The following CAMTA1 variants were observed in gnomAD, a reference collection of about 807,000 sequenced individuals.
CAMTA1 encodes calmodulin binding transcription activator 1, also known as calmodulin-binding transcription activator 1.
Under a neutral mutation model 170.9 loss-of-function variants are expected in CAMTA1, and 27 were observed. That is an observed-to-expected ratio of 0.16 (90% CI 0.12 to 0.22). The LOEUF (loss-of-function observed/expected upper bound fraction) is 0.22, where lower values mean the gene tolerates loss of function less well. CAMTA1 is among the 10% of genes least tolerant of loss of function. CAMTA1 has a pLI of 1.00. For synonymous variants in CAMTA1, 833 were observed against 891.5 expected, an observed-to-expected ratio of 0.93 and a Z score of 1.17; for missense variants, 1,619 against 2,217.2, an observed-to-expected ratio of 0.73 and a Z score of 5.42.
At chr1:7,329,117 G>A (rs1017250090) in intron 5 of CAMTA1, among the ~76,000 whole-genome samples, 1 of 151,824 alleles carries the variant, frequency 6.6e-6, no homozygotes, top group Non-Finnish European at 1.5e-5. Flanking sequence ...AAAATCCAAA[G>A]AGTGTGATTA....
At chr1:6,955,479 C>T (rs1195017589) in intron 3 of CAMTA1, among the ~76,000 whole-genome samples, 1 of 152,194 alleles carries the variant, frequency 6.6e-6, no homozygotes, top group East Asian at 1.9e-4. Flanking sequence ...TGACTCAGAT[C>T]TGGGTGGAGT....
chr1:7,636,651 G>A (rs2095714446), intron 6 of CAMTA1, among the ~76,000 whole-genome samples: 1 of 151,968 alleles, frequency 6.6e-6, no homozygotes, highest in Admixed American at 6.5e-5. Flanking sequence ...AGAGGTTGCA[G>A]TGAGCCGAGA....
In CAMTA1 at chr1:6,970,688, A is replaced by G. The variant is rs1271220357; in HGVS notation, c.235-120616A>G. Reference sequence around the variant, plus strand: ...CATATCAGAAGCACAGGGGGCTACTAGAGCACCTGTTCAGGACGTATCATC... The same window carrying G: ...CATATCAGAAGCACAGGGGGCTACTGGAGCACCTGTTCAGGACGTATCATC... On this transcript the variant is annotated intron_variant, in intron 3 of 22. Transcript: ENST00000303635. The surrounding 1 kb of genome is among the most constrained non-coding windows in gnomAD (Gnocchi z 4.4). Among the ~76,000 whole-genome samples the G allele has an allele frequency of 6.6e-6, 1 of 152,220 alleles. No individual in the cohort carries two copies. The highest frequency in any genetic ancestry group is 2.4e-5 in the African/African-American group (1 of 41,464).
intron 3 of CAMTA1, among the ~76,000 whole-genome samples, chr1:6,975,181 TC>T (rs1040584244): frequency 2.6e-5 from 4 of 152,036 alleles, no homozygotes; most frequent in African/African-American, 9.7e-5. Context: ...TTCCACACTG[TC>T]TCCCCCCACC....
chr1:7,525,513 G>T (rs752488988), intron 6 of CAMTA1, among the ~76,000 whole-genome samples: 1 of 152,012 alleles, frequency 6.6e-6, no homozygotes, highest in Non-Finnish European at 1.5e-5. Flanking sequence ...ATTATTATCA[G>T]TGTGGCCTCA....
intron 5 of CAMTA1, among the ~76,000 whole-genome samples, chr1:7,451,520 G>C (rs2092824124): frequency 6.6e-6 from 1 of 152,192 alleles, no homozygotes; most frequent in Admixed American, 6.5e-5. Flanking sequence ...TTTCCACCTT[G>C]AGTCCTTAGC....
chr1:7,294,797 C>A (rs1204098588), intron 5 of CAMTA1, among the ~76,000 whole-genome samples: 1 of 152,192 alleles, frequency 6.6e-6, no homozygotes, highest in Non-Finnish European at 1.5e-5. Context: ...CCAGCCCAGA[C>A]CAGGGTGAAG....
Position 7,333,293 on chromosome 1 carries a change from T to C in CAMTA1, c.438+83667T>C, listed in dbSNP as rs921678293. ...GGTTGGGCTCTGCAAGCTTTGGCAATTGACATGAGTTGAACCTAGTTGTCA... is the reference window on the plus strand; with the variant it reads ...GGTTGGGCTCTGCAAGCTTTGGCAACTGACATGAGTTGAACCTAGTTGTCA... On this transcript the variant is annotated intron_variant, in intron 5 of 22. Transcript: ENST00000303635. This position sits in a 1 kb window ranked among gnomAD's most constrained non-coding sequence, Gnocchi z 4.4. 3.3e-5 allele frequency among the ~76,000 whole-genome samples: 5 copies of C among 152,146 alleles called. No individual in the cohort carries two copies. The highest frequency in any genetic ancestry group is 9.7e-5 in the African/African-American group (4 of 41,436).
chr1:7,581,030 A>G (rs2095256457), intron 6 of CAMTA1, among the ~76,000 whole-genome samples: 1 of 152,268 alleles, frequency 6.6e-6, no homozygotes, highest in African/African-American at 2.4e-5. Context: ...GTGGTTTTTG[A>G]TAACTCGGTG....
chr1:6,788,102 G>A (rs1194106417), intron 1 of CAMTA1, among the ~76,000 whole-genome samples: 1 of 152,128 alleles, frequency 6.6e-6, no homozygotes, highest in Admixed American at 6.5e-5. Context: ...TTTTCTCTTG[G>A]ACAGGGGAAT....
intron 11 of CAMTA1, among the ~76,000 whole-genome samples, chr1:7,691,580 C>T (rs1383487047): frequency 1.3e-5 from 2 of 152,084 alleles, no homozygotes; most frequent in Non-Finnish European, 2.9e-5. Flanking sequence ...GAGATGGCAT[C>T]AGGAGGTCTT....
intron 5 of CAMTA1, among the ~76,000 whole-genome samples, chr1:7,284,020 C>G (rs905182170): frequency 3.3e-5 from 5 of 152,282 alleles, no homozygotes; most frequent in African/African-American, 1.2e-4. Context: ...GTGGGGCTTG[C>G]CCCTGTGCTC....
chr1:7,604,423 A>T (rs2095470218), intron 6 of CAMTA1, among the ~76,000 whole-genome samples: 1 of 151,928 alleles, frequency 6.6e-6, no homozygotes, highest in African/African-American at 2.4e-5. Context: ...GCTTCATTTC[A>T]TTCATTTGAT....
chr1:6,789,950 C>T lies in CAMTA1; in HGVS notation c.45+4375C>T, dbSNP rs529197855. On this transcript the variant is annotated intron_variant, in intron 1 of 22. Transcript: ENST00000303635. ...TCAGCCTCCCAAGTAGCTGGGATTACAGGCGTGCACCACCATGTCCGGCTA... is the reference window on the plus strand; with the variant it reads ...TCAGCCTCCCAAGTAGCTGGGATTATAGGCGTGCACCACCATGTCCGGCTA... Among the ~76,000 whole-genome samples, 12 of 151,790 alleles carry T rather than the reference C, an allele frequency of 7.9e-5. No individual in the cohort carries two copies. In the South Asian group the frequency reaches 1.9e-3, roughly 24 times the overall value.
intron 6 of CAMTA1, among the ~76,000 whole-genome samples, chr1:7,587,574 TCC>T (rs199563709): frequency 7.9e-5 from 12 of 152,114 alleles, no homozygotes; most frequent in Admixed American, 2.6e-4. Flanking sequence ...CCTCGCAGCT[TCC>T]CCATGTCAGG....
intron 7 of CAMTA1, among the ~76,000 whole-genome samples, chr1:7,658,720 G>A (rs1236321656): frequency 1.3e-5 from 2 of 152,350 alleles, no homozygotes; most frequent in African/African-American, 4.8e-5. Context: ...CCTTTCTGCA[G>A]TAATCTGTCT....
rs556125414 is a variant in CAMTA1, at chr1:7,354,144, T to C, written c.438+104518T>C. On this transcript the variant is annotated intron_variant, in intron 5 of 22. Transcript: ENST00000303635. ...ACGGTGCATATGTACCACATTTTCTTTTTCTCTTTTTTTTTTTTTTTTGAG... is the reference window on the plus strand; with the variant it reads ...ACGGTGCATATGTACCACATTTTCTCTTTCTCTTTTTTTTTTTTTTTTGAG... 1.3e-4 allele frequency among the ~76,000 whole-genome samples: 20 copies of C among 151,116 alleles called. No homozygotes were observed. The South Asian group carries it at 2.1e-3, about 16-fold the overall frequency.
chr1:7,553,232 G>T (rs28663679), intron 6 of CAMTA1, among the ~76,000 whole-genome samples: 4 of 12,994 alleles, frequency 3.1e-4, no homozygotes, highest in African/African-American at 2.5e-3. Context: ...AATGAATGAG[G>T]GAATGAATGA....
At chr1:7,492,813 G>T (rs1426907293) in intron 6 of CAMTA1, among the ~76,000 whole-genome samples, 4 of 124,636 alleles carry the variant, frequency 3.2e-5, no homozygotes, top group African/African-American at 6.7e-5. Context: ...ACACATGCGC[G>T]CACAGACACA....
Sources: gnomAD v4.1 joint callset for allele counts (sites outside exome capture counted in the v4.1 genomes callset) on GRCh38, gnomAD v4.1.1 for gene constraint, Gnocchi (gnomAD v3.1) non-coding constraint, MANE v1.5 for transcripts, NCBI Gene and HGNC (gene_info 2026-07-23, HGNC 2026-07-21) for gene names.